CAMK1D: variants seen among roughly 807,000 people sequenced by gnomAD.
The protein encoded by CAMK1D is calcium/calmodulin-dependent protein kinase type 1D.
Under a neutral mutation model 47.7 loss-of-function variants are expected in CAMK1D, and 9 were observed. That is an observed-to-expected ratio of 0.19 (90% CI 0.11 to 0.33). The LOEUF is 0.33. CAMK1D is among the 10% of genes least tolerant of loss of function. CAMK1D has a pLI of 1.00. For missense variants in CAMK1D, 291 were observed against 488.7 expected (o/e 0.60, Z 3.81); for synonymous variants, 184 against 184.9 (o/e 0.99, Z 0.04).
At chr10:12,698,100 T>C (rs1833368024) in intron 3 of CAMK1D, among the ~76,000 whole-genome samples, 1 of 152,230 alleles carries the variant, frequency 6.6e-6, no homozygotes, top group East Asian at 1.9e-4. Context: ...TTATAAATAC[T>C]ACTCCGTTGT....
chr10:12,524,446 G>A (rs11257858), intron 1 of CAMK1D, among the ~76,000 whole-genome samples: 43,381 of 151,856 alleles, frequency 0.29, 6,393 homozygotes, highest in East Asian at 0.38. Flanking sequence ...GGTGGCGCAC[G>A]CCTGTAATCC....
chr10:12,657,427 AAAATAAAT>A lies in CAMK1D; in HGVS notation c.225-9285_225-9278del, dbSNP rs10524598. The stretch of plus-strand genomic sequence containing the variant: ...TGATGGAGAGAGACTCTGTCTCATA[AAAATAAAT>A]AAATAAATAAATAAATAAATAAAAA... On this transcript the variant is annotated intron_variant, in intron 2 of 10. Coordinates refer to ENST00000619168, the MANE Select transcript of CAMK1D (RefSeq NM_153498.4). 4.8e-3 allele frequency among the ~76,000 whole-genome samples: 711 copies of A among 146,820 alleles called. 3 individuals are homozygous for A. Among genetic ancestry groups the A allele is most frequent in the African/African-American group, 0.016 (648 of 40,096 alleles).
intron 2 of CAMK1D, among the ~76,000 whole-genome samples, chr10:12,586,170 C>A (rs1837811964): frequency 6.6e-6 from 1 of 152,130 alleles, no homozygotes; most frequent in Non-Finnish European, 1.5e-5. Flanking sequence ...AGAAAGTCTT[C>A]CAAACATTTT....
At chr10:12,635,679 C>T (rs1350274084) in intron 2 of CAMK1D, among the ~76,000 whole-genome samples, 2 of 152,060 alleles carry the variant, frequency 1.3e-5, no homozygotes, top group African/African-American at 2.4e-5. Flanking sequence ...TGTGGCAAAA[C>T]GGATTTTATT....
intron 1 of CAMK1D, among the ~76,000 whole-genome samples, chr10:12,510,153 G>T (rs150028340): frequency 1.3e-5 from 2 of 152,192 alleles, no homozygotes; most frequent in Non-Finnish European, 2.9e-5. Context: ...GGTTGCTCCC[G>T]TCTGTAATCC....
intron 3 of CAMK1D, among the ~76,000 whole-genome samples, chr10:12,709,723 A>G (rs1833865797): frequency 6.6e-6 from 1 of 152,190 alleles, no homozygotes; most frequent in Non-Finnish European, 1.5e-5. Flanking sequence ...GAAAATATCT[A>G]TTTACTTACT....
At chr10:12,799,656 G>C (rs563211519) in intron 6 of CAMK1D, among the ~76,000 whole-genome samples, 160 of 152,270 alleles carry the variant, frequency 1.1e-3, no homozygotes, top group African/African-American at 3.8e-3. Context: ...TTTGTCCCAG[G>C]TGTGCGCTCA....
chr10:12,565,902 C>G (rs1443123819), intron 2 of CAMK1D, among the ~76,000 whole-genome samples: 1 of 151,954 alleles, frequency 6.6e-6, no homozygotes, highest in Non-Finnish European at 1.5e-5. Flanking sequence ...ATAGCCCACT[C>G]TAGGTAGGAG....
Position 12,591,495 on chromosome 10 carries a change from T to C in CAMK1D, c.224+38139T>C, listed in dbSNP as rs77368516. Among the ~76,000 whole-genome samples the C allele has an allele frequency of 5.8e-3, 880 of 152,350 alleles. 8 individuals carry two copies. Among genetic ancestry groups the C allele is most frequent in the African/African-American group, 0.02 (828 of 41,582 alleles). ...CACACTTCTCTGCCTGCCTTTGAGT[T>C]TCTACCAAACACAGGTGACAGTGGC... On this transcript the variant is annotated intron_variant, in intron 2 of 10. Transcript: ENST00000619168.
At chr10:12,515,508 G>A (rs548842336) in intron 1 of CAMK1D, among the ~76,000 whole-genome samples, 2 of 136,258 alleles carry the variant, frequency 1.5e-5, no homozygotes, top group African/African-American at 5.5e-5. Context: ...ATGCTGGTGC[G>A]CTGCACCCAC....
chr10:12,558,187 C>G (rs1836824995), intron 2 of CAMK1D, among the ~76,000 whole-genome samples: 2 of 152,150 alleles, frequency 1.3e-5, no homozygotes, highest in Non-Finnish European at 2.9e-5. Flanking sequence ...CGGTGTTATT[C>G]TCTTTGGGTT....
chr10:12,560,703 A>T (rs1487189428), intron 2 of CAMK1D, among the ~76,000 whole-genome samples: 1 of 152,056 alleles, frequency 6.6e-6, no homozygotes, highest in Admixed American at 6.6e-5. Context: ...CTTTTTAAGG[A>T]TCAATCTGAG....
At chr10:12,783,552 G>A (rs1204125644) in intron 5 of CAMK1D, among the ~76,000 whole-genome samples, 1 of 152,142 alleles carries the variant, frequency 6.6e-6, no homozygotes, top group Non-Finnish European at 1.5e-5. Flanking sequence ...CTCGGGAAAG[G>A]GAAAATTCTT....
At chr10:12,643,806 C>T (rs1449598499) in intron 2 of CAMK1D, among the ~76,000 whole-genome samples, 1 of 151,684 alleles carries the variant, frequency 6.6e-6, no homozygotes, top group African/African-American at 2.4e-5. Context: ...ATTGCTTGAA[C>T]CTGGGGGGCG....
At chr10:12,716,801 G>A (rs1443624331) in intron 3 of CAMK1D, among the ~76,000 whole-genome samples, 1 of 152,092 alleles carries the variant, frequency 6.6e-6, no homozygotes, top group Non-Finnish European at 1.5e-5. Context: ...GCTTAGCGTG[G>A]TGTTCACTGC....
chr10:12,621,228 C>A (rs149836804), intron 2 of CAMK1D, among the ~76,000 whole-genome samples: 1 of 130,586 alleles, frequency 7.7e-6, no homozygotes, highest in African/African-American at 2.4e-5. Context: ...ATTCCTCCCA[C>A]TGTTGTTTTT....
chr10:12,569,912 A>G (rs1434616700), intron 2 of CAMK1D, among the ~76,000 whole-genome samples: 1 of 150,750 alleles, frequency 6.6e-6, no homozygotes, highest in Non-Finnish European at 1.5e-5. Flanking sequence ...ACTTTTAAAA[A>G]TATTTTAGGC....
At chr10:12,570,680 CAAAAAAAAA>C (rs35160242) in intron 2 of CAMK1D, among the ~76,000 whole-genome samples, 1 of 84,574 alleles carries the variant, frequency 1.2e-5, no homozygotes, top group Non-Finnish European at 2.5e-5. Context: ...AACTCCATCT[CAAAAAAAAA>C]AAAAAAAAAA....
Position 12,553,210 on chromosome 10 carries a change from C to G in CAMK1D, c.93-15C>G, listed in dbSNP as rs368657437. 4 of 1,609,726 alleles carry G rather than the reference C, an allele frequency of 2.5e-6. No individual in the cohort carries two copies. Among genetic ancestry groups the G allele is most frequent in the African/African-American group, 1.3e-5 (1 of 74,464 alleles). ...TTCTGCATCTAAGTGTTCTTTTTTCCTTCTTTGTTCACAGCGGGGCCTTTT... is the reference window on the plus strand; with the variant it reads ...TTCTGCATCTAAGTGTTCTTTTTTCGTTCTTTGTTCACAGCGGGGCCTTTT... On this transcript the variant is annotated splice_polypyrimidine_tract_variant and intron_variant, in intron 1 of 10. Transcript: ENST00000619168.
Sources: allele counts gnomAD v4.1 joint callset (sites outside exome capture counted in the v4.1 genomes callset), GRCh38; gene constraint gnomAD v4.1.1; transcripts MANE v1.5; gene names NCBI Gene and HGNC (gene_info 2026-07-23, HGNC 2026-07-21).